Variants in ERO1A observed in about 807,000 individuals in gnomAD.
ERO1A encodes endoplasmic reticulum oxidoreductase 1 alpha.
ERO1A carries 49 observed loss-of-function variants against 76.9 expected under a neutral mutation model. The ratio of observed to expected loss-of-function variants is 0.64; its 90% confidence interval spans 0.51 to 0.81. The LOEUF is 0.81. Among genes scored for constraint, ERO1A ranks in the 30% least tolerant of loss-of-function variants. ERO1A has a pLI of 0.00. For synonymous variants in ERO1A, 174 were observed against 181.2 expected (o/e 0.96, Z 0.32); for missense variants, 448 against 542.1 (o/e 0.83, Z 1.72).
At chr14:52,689,948 A>G (rs1236137380) in intron 1 of ERO1A, among the ~76,000 whole-genome samples, 2 of 152,208 alleles carry the variant, frequency 1.3e-5, no homozygotes, top group Non-Finnish European at 2.9e-5. Context: ...GACCAATGGA[A>G]AACAATAGAA....
intron 11 of ERO1A, among the ~76,000 whole-genome samples, chr14:52,655,631 A>T (rs2040018240): frequency 6.6e-6 from 1 of 151,994 alleles, no homozygotes. Context: ...ACTCAGAGGA[A>T]TTTCTCACTC....
intron 1 of ERO1A, among the ~76,000 whole-genome samples, chr14:52,691,844 G>A (rs1326799702): frequency 6.6e-6 from 1 of 152,150 alleles, no homozygotes; most frequent in Non-Finnish European, 1.5e-5. Context: ...GCCTGGCCTA[G>A]GTTGTATATA....
At chr14:52,661,627 C>T (rs1035362120) in intron 8 of ERO1A, among the ~76,000 whole-genome samples, 4 of 152,250 alleles carry the variant, frequency 2.6e-5, no homozygotes, top group African/African-American at 7.2e-5. Flanking sequence ...TAAGGACCTA[C>T]GTTTACTTGG....
At position 52,640,882 on chromosome 14, in the gene ERO1A, A is replaced by T. The variant is rs1300805938; in HGVS notation, c.*2688T>A. The stretch of plus-strand genomic sequence containing the variant: ...CACACAGGTGTCTCTGGGACAACCA[A>T]GAAAAGTGCAACAGGCAGATGGATT... On this transcript the variant is annotated 3_prime_UTR_variant, in exon 16 of 16. Transcript: ENST00000395686. 6.6e-6 allele frequency: 1 copy of T among 152,196 alleles called. No individual in the cohort carries two copies. The highest frequency in any genetic ancestry group is 2.4e-5 in the African/African-American group (1 of 41,440). 9.4% of individuals were successfully genotyped at this position (152,196 alleles called of 1,614,324 possible).
intron 11 of ERO1A, among the ~76,000 whole-genome samples, chr14:52,655,243 T>C (rs2040005296): frequency 6.6e-6 from 1 of 152,108 alleles, no homozygotes; most frequent in African/African-American, 2.4e-5. Flanking sequence ...CACATGCCTG[T>C]AATCCCAGTT....
chr14:52,658,474 C>G (rs1345614276), intron 9 of ERO1A: 1 of 212,538 alleles, frequency 4.7e-6, no homozygotes. Context: ...GGGAAAATAC[C>G]TAGCCTTGAT....
intron 4 of ERO1A, among the ~76,000 whole-genome samples, chr14:52,675,144 G>T (rs1357883036): frequency 6.6e-6 from 1 of 152,198 alleles, no homozygotes; most frequent in African/African-American, 2.4e-5. Flanking sequence ...AGCATTCTGG[G>T]AGGCCGAGAC....
At position 52,643,628 on chromosome 14, in the gene ERO1A, A is replaced by G; in HGVS notation, c.1349T>C (p.Ile450Thr). ...IVSLFNAFGR[I>T]STSVKELENF... Reference sequence around the variant, plus strand: ...TTCTAATTCTTTCACACTTGTAGAAATTCTGTAACCAAAAAATATTTCACT... The same window carrying G: ...TTCTAATTCTTTCACACTTGTAGAAGTTCTGTAACCAAAAAATATTTCACT... The change falls in exon 16 of 16, where the codon ATT becomes ACT. Residue 450 changes from isoleucine (I) to threonine (T), a missense_variant and splice_region_variant. Ile to Thr is a moderately conservative substitution (Grantham distance 89, BLOSUM62 -1). Transcript: ENST00000395686. 1 of 1,462,080 alleles carries G rather than the reference A, an allele frequency of 6.8e-7. No homozygotes were observed. Among genetic ancestry groups the G allele is most frequent in the East Asian group, 2.7e-5 (1 of 37,390 alleles). The allele number at this position is 1,462,080 out of a possible 1,614,324, so 90.6% of individuals were successfully genotyped here.
In ERO1A at chr14:52,678,436, T is replaced by A; in HGVS notation, c.355A>T (p.Lys119Ter). The A allele has an allele frequency of 6.2e-7, 1 of 1,613,312 alleles. No homozygotes were observed. Residue 119 changes from lysine (K) to a stop codon, truncating the protein, a stop_gained and splice_region_variant, in exon 4 of 16, where the codon AAG (lysine) becomes TAG (stop). Coordinates refer to ENST00000395686, the MANE Select transcript of ERO1A (RefSeq NM_014584.3). LOFTEE classifies it high-confidence loss of function. ...VPDGIKSASY[K>*]YSEEANNLIE... ...CATCAATAGGTATACGTACACACCT[T>A]GTAGCTCGCAGATTTAATTCCATCA... is the stretch of plus-strand genomic sequence containing the variant.
At chr14:52,675,148 C>A (rs2040737850) in intron 4 of ERO1A, among the ~76,000 whole-genome samples, 1 of 152,076 alleles carries the variant, frequency 6.6e-6, no homozygotes. Flanking sequence ...TTCTGGGAGG[C>A]CGAGACAGGT....
chr14:52,689,387 T>C (rs890327236), intron 1 of ERO1A, among the ~76,000 whole-genome samples: 5 of 152,144 alleles, frequency 3.3e-5, no homozygotes, highest in Admixed American at 6.5e-5. Flanking sequence ...ATCTTATATA[T>C]AGAAAATCCT....
At chr14:52,662,288 T>C (rs898919177) in intron 8 of ERO1A, among the ~76,000 whole-genome samples, 3 of 152,216 alleles carry the variant, frequency 2.0e-5, no homozygotes, top group African/African-American at 7.2e-5. Context: ...GCATTTCATC[T>C]GATATTAAAT....
chr14:52,657,393 A>G (rs983639001), intron 11 of ERO1A, among the ~76,000 whole-genome samples: 4 of 152,192 alleles, frequency 2.6e-5, no homozygotes, highest in African/African-American at 9.7e-5. Flanking sequence ...GTCTCAATCA[A>G]TCAAGCAATC....
intron 2 of ERO1A, among the ~76,000 whole-genome samples, chr14:52,683,284 A>G (rs1282188800): frequency 6.7e-6 from 1 of 149,368 alleles, no homozygotes; most frequent in Admixed American, 6.6e-5. Context: ...AGCTCGACTC[A>G]CATTCTTTTC....
At chr14:52,653,027 G>A (rs1050406381) in intron 12 of ERO1A, 42 bp downstream of exon 12, 1 of 1,328,602 alleles carries the variant, frequency 7.5e-7, no homozygotes, top group Non-Finnish European at 1.0e-6. Flanking sequence ...TACATTAATT[G>A]TCACTCTTCT....
chr14:52,664,419 A>T (rs1001851177), intron 7 of ERO1A, among the ~76,000 whole-genome samples: 9 of 152,184 alleles, frequency 5.9e-5, no homozygotes, highest in Non-Finnish European at 8.8e-5. Flanking sequence ...GTGCTTTTAA[A>T]TCCCAAAATA....
rs920927632 is a variant in ERO1A, at chr14:52,676,781, T to C, written c.357+1653A>G. ...TGAGTGTCGTGGCTCACACCTGTAA[T>C]CCCAACCCTTTGAGAGGCCGAGGTG... is the stretch of plus-strand genomic sequence containing the variant. On this transcript the variant is annotated intron_variant, in intron 4 of 15. Coordinates refer to ENST00000395686, the MANE Select transcript of ERO1A (RefSeq NM_014584.3). Among the ~76,000 whole-genome samples the C allele has an allele frequency of 6.0e-5, 9 of 150,702 alleles. No homozygotes were observed. In the South Asian group the frequency reaches 1.3e-3, roughly 21 times the overall value.
intron 1 of ERO1A, among the ~76,000 whole-genome samples, chr14:52,695,079 C>T (rs983615122): frequency 6.6e-6 from 1 of 152,200 alleles, no homozygotes; most frequent in Non-Finnish European, 1.5e-5. Context: ...CACACTCTCC[C>T]CGGGCAGATA....
chr14:52,682,668 G>T (rs185361804), intron 2 of ERO1A, among the ~76,000 whole-genome samples: 1 of 152,184 alleles, frequency 6.6e-6, no homozygotes, highest in Non-Finnish European at 1.5e-5. Context: ...GGAGGCCGAG[G>T]GGGGCGGATC....
Sources: allele counts gnomAD v4.1 joint callset (sites outside exome capture counted in the v4.1 genomes callset), GRCh38; gene constraint gnomAD v4.1.1; transcripts MANE v1.5; gene names NCBI Gene and HGNC (gene_info 2026-07-23, HGNC 2026-07-21).